The following EXOC2 variants were observed in gnomAD, a reference collection of about 807,000 sequenced individuals.
The protein encoded by EXOC2 is SEC5-like 1.
A neutral mutation model predicts 131.8 loss-of-function variants in EXOC2; 70 were observed. The observed-to-expected ratio is 0.53, with a 90% confidence interval of 0.44 to 0.65. The LOEUF is 0.65. Ranked by LOEUF, EXOC2 falls within the 30% of genes least tolerant of loss-of-function variation. EXOC2 has a pLI of 0.00. For synonymous variants in EXOC2, 411 were observed against 398.4 expected (o/e 1.03, Z -0.38); for missense variants, 923 against 1,108.6 (o/e 0.83, Z 2.38).
chr6:526,660 G>C (rs2127532659), intron 23 of EXOC2, among the ~76,000 whole-genome samples: 1 of 151,890 alleles, frequency 6.6e-6, no homozygotes, highest in Middle Eastern at 3.4e-3. Flanking sequence ...GGCTGGTCTT[G>C]AACTCCCGAC....
intron 1 of EXOC2, among the ~76,000 whole-genome samples, chr6:653,708 A>T (rs780116805): frequency 1.3e-5 from 2 of 152,264 alleles, no homozygotes; most frequent in African/African-American, 2.4e-5. Context: ...AGATCTAGCT[A>T]TTATAAGATC....
chr6:522,474 G>A (rs1249271238), intron 23 of EXOC2, among the ~76,000 whole-genome samples: 1 of 150,304 alleles, frequency 6.7e-6, no homozygotes, highest in Non-Finnish European at 1.5e-5. Flanking sequence ...CATGCGGACT[G>A]CAGGACAGCG....
At chr6:610,270 G>A in intron 6 of EXOC2, 92 bp from the exon 7 acceptor site, 1 of 1,122,736 alleles carries the variant, frequency 8.9e-7, no homozygotes, top group Non-Finnish European at 1.3e-6. Context: ...TTTTTAAAAT[G>A]GTCATATTAT....
intron 1 of EXOC2, among the ~76,000 whole-genome samples, chr6:661,174 C>T (rs185846723): frequency 1.3e-5 from 2 of 152,286 alleles, no homozygotes; most frequent in African/African-American, 2.4e-5. Context: ...ACCTAATAAT[C>T]GGTGTTCCTG....
At chr6:620,412 T>C (rs1484911892) in intron 4 of EXOC2, among the ~76,000 whole-genome samples, 2 of 152,226 alleles carry the variant, frequency 1.3e-5, no homozygotes, top group African/African-American at 4.8e-5. Context: ...CTGTCTCGCA[T>C]GTTGGTCTCC....
intron 6 of EXOC2, among the ~76,000 whole-genome samples, chr6:611,455 C>T (rs1233579016): frequency 6.6e-6 from 1 of 152,212 alleles, no homozygotes; most frequent in Non-Finnish European, 1.5e-5. Flanking sequence ...AATCATGTAG[C>T]CACATTTTCT....
At chr6:629,404 G>C (rs1042764665) in intron 4 of EXOC2, among the ~76,000 whole-genome samples, 1 of 152,164 alleles carries the variant, frequency 6.6e-6, no homozygotes, top group Admixed American at 6.5e-5. Flanking sequence ...AGTTAAATAA[G>C]TCTGGATTAA....
At chr6:582,258 A>C (rs1758948403) in intron 11 of EXOC2, among the ~76,000 whole-genome samples, 1 of 151,156 alleles carries the variant, frequency 6.6e-6, no homozygotes, top group African/African-American at 2.4e-5. Flanking sequence ...TTTTTAACAG[A>C]CTCTATACCA....
intron 23 of EXOC2, among the ~76,000 whole-genome samples, chr6:532,119 G>A (rs1448241301): frequency 2.6e-5 from 4 of 152,108 alleles, no homozygotes; most frequent in Non-Finnish European, 4.4e-5. Flanking sequence ...TACATTTTTT[G>A]ATGATGTACA....
At chr6:645,799 T>C (rs565717640) in intron 1 of EXOC2, among the ~76,000 whole-genome samples, 14 of 152,188 alleles carry the variant, frequency 9.2e-5, no homozygotes, top group Non-Finnish European at 1.3e-4. Context: ...ATACCATTTT[T>C]CAATGAAAGG....
chr6:587,999 G>C (rs1207796074), intron 11 of EXOC2, among the ~76,000 whole-genome samples: 1 of 152,226 alleles, frequency 6.6e-6, no homozygotes, highest in Non-Finnish European at 1.5e-5. Flanking sequence ...GACTGGCTAT[G>C]AGCTGATAAA....
At chr6:535,643 C>G (rs1175120699) in intron 22 of EXOC2, among the ~76,000 whole-genome samples, 1 of 152,194 alleles carries the variant, frequency 6.6e-6, no homozygotes, top group East Asian at 1.9e-4. Flanking sequence ...ATTTATTAAA[C>G]TAATTGAATC....
intron 23 of EXOC2, among the ~76,000 whole-genome samples, chr6:516,005 A>C (rs1202362596): frequency 1.3e-5 from 2 of 152,194 alleles, no homozygotes; most frequent in African/African-American, 2.4e-5. Context: ...AAATCATTGG[A>C]GCCTCAGCTG....
chr6:577,925 T>A (rs576128343), intron 11 of EXOC2, among the ~76,000 whole-genome samples: 2 of 152,238 alleles, frequency 1.3e-5, no homozygotes, highest in Non-Finnish European at 2.9e-5. Context: ...AAGTGCTACC[T>A]ATCTTTTCTG....
Position 629,855 on chromosome 6 carries a change from C to T in EXOC2, c.402G>A (p.Pro134=), listed in dbSNP as rs771872979. ...IPPLSLRPAN[P]LGIEIEKSKF... is the part of the protein sequence containing the mutation. The stretch of plus-strand genomic sequence containing the variant: ...CTCACTTTTCAATCTCAATGCCAAG[C>T]GGGTTAGCAGGACGTAAGGACAAGG... The change falls in exon 4 of 28, where the codon CCG becomes CCA. Residue 134 remains proline, a synonymous_variant. Transcript: ENST00000230449. 93 of 1,613,518 alleles carry T rather than the reference C, an allele frequency of 5.8e-5. No individual in the cohort carries two copies. The highest frequency in any genetic ancestry group is 6.7e-5 in the African/African-American group (5 of 74,950).
At chr6:578,819 C>CT (rs1215891208) in intron 11 of EXOC2, among the ~76,000 whole-genome samples, 1 of 152,146 alleles carries the variant, frequency 6.6e-6, no homozygotes, top group South Asian at 2.1e-4. Context: ...TTCTAATTGA[C>CT]TTTTTTTCAT....
intron 1 of EXOC2, among the ~76,000 whole-genome samples, chr6:682,797 T>C (rs1310640561): frequency 6.6e-6 from 1 of 152,186 alleles, no homozygotes; most frequent in Non-Finnish European, 1.5e-5. Flanking sequence ...GTTCTGGACT[T>C]AGATAATGGT....
chr6:638,100 C>T (rs367589584), intron 1 of EXOC2, among the ~76,000 whole-genome samples: 2 of 152,288 alleles, frequency 1.3e-5, no homozygotes. Context: ...GCCCTGGGTT[C>T]TAAAAACTTT....
At chr6:689,977 C>T (rs1764840490) in intron 1 of EXOC2, among the ~76,000 whole-genome samples, 1 of 152,170 alleles carries the variant, frequency 6.6e-6, no homozygotes, top group Non-Finnish European at 1.5e-5. Flanking sequence ...TCAGCCAGTA[C>T]TATGAAGCAG....
Sources: allele counts gnomAD v4.1 joint callset (sites outside exome capture counted in the v4.1 genomes callset), GRCh38; gene constraint gnomAD v4.1.1; transcripts MANE v1.5; gene names NCBI Gene and HGNC (gene_info 2026-07-23, HGNC 2026-07-21).